The following PLPP1 variants were observed in gnomAD, a reference collection of about 807,000 sequenced individuals.
PLPP1 encodes the protein lipid phosphate phosphohydrolase 1a.
Under a neutral mutation model 31.2 loss-of-function variants are expected in PLPP1, and 24 were observed. The observed-to-expected ratio is 0.77, with a 90% CI of 0.56 to 1.08. PLPP1 has a LOEUF of 1.08. Ranked by LOEUF, PLPP1 falls within the 50% of genes least tolerant of loss-of-function variation. The probability of loss-of-function intolerance (pLI) is 0.00; values close to 1 mark genes in which losing one functional copy is unlikely to be tolerated. For missense variants in PLPP1, 319 were observed against 342.7 expected, an observed-to-expected ratio of 0.93 and a Z score of 0.55; for synonymous variants, 146 against 126.3, an observed-to-expected ratio of 1.16 and a Z score of -1.05.
At chr5:55,530,598 C>A (rs1740628122) in intron 1 of PLPP1, 2 of 1,399,684 alleles carry the variant, frequency 1.4e-6, no homozygotes, top group East Asian at 4.6e-5. Flanking sequence ...GCAATGAAGT[C>A]TCATGCGATA....
rs529491189 is a variant in PLPP1, at chr5:55,488,412, G to A, written c.59-12962C>T. Among the ~76,000 whole-genome samples, 158 of 152,016 alleles carry A rather than the reference G, an allele frequency of 1.0e-3. 1 individual carries two copies. The highest frequency in any genetic ancestry group is 2.0e-3 in the Non-Finnish European group (134 of 67,972). On this transcript the variant is annotated intron_variant, in intron 1 of 5. Coordinates refer to ENST00000307259, the MANE Select transcript of PLPP1 (RefSeq NM_003711.4). ...TGTAATCTCAGCACTTTGGGAGGCC[G>A]AGGCAGGTGGATCACCTGAGGTCAG...
At chr5:55,468,861 A>C (rs951885977) in intron 2 of PLPP1, among the ~76,000 whole-genome samples, 1 of 152,162 alleles carries the variant, frequency 6.6e-6, no homozygotes, top group Non-Finnish European at 1.5e-5. Context: ...ACTCCTGTGT[A>C]TAAGTACTTT....
intron 1 of PLPP1, among the ~76,000 whole-genome samples, chr5:55,495,225 T>C (rs184487356): frequency 1.3e-3 from 199 of 152,074 alleles, no homozygotes; most frequent in African/African-American, 4.6e-3. Flanking sequence ...TTGTTGGCAT[T>C]AGAATTTGCA....
chr5:55,426,462 G>GT lies in PLPP1; in HGVS notation c.550-424dup, dbSNP rs575753171. ...TTGCCCAGACTGGAGTGCAGTGGTGGTGTAGTCATACTCACTGCAGCCTCA... is the reference window on the plus strand; with the variant it reads ...TTGCCCAGACTGGAGTGCAGTGGTGGTTGTAGTCATACTCACTGCAGCCTCA... On this transcript the variant is annotated intron_variant, in intron 4 of 5. Coordinates refer to ENST00000307259, the MANE Select transcript of PLPP1 (RefSeq NM_003711.4). 3.3e-3 allele frequency among the ~76,000 whole-genome samples: 501 copies of GT among 152,160 alleles called. 1 individual carries two copies. The highest frequency in any genetic ancestry group is 0.012 in the African/African-American group (485 of 41,480).
At chr5:55,520,417 G>C (rs1199214428) in intron 1 of PLPP1, among the ~76,000 whole-genome samples, 1 of 152,228 alleles carries the variant, frequency 6.6e-6, no homozygotes, top group East Asian at 1.9e-4. Flanking sequence ...GACTGTGTCA[G>C]TGGTACCAAA....
At chr5:55,439,658 T>C (rs1751579063) in intron 4 of PLPP1, among the ~76,000 whole-genome samples, 1 of 152,202 alleles carries the variant, frequency 6.6e-6, no homozygotes, top group African/African-American at 2.4e-5. Flanking sequence ...ACTGAGGCCC[T>C]CTATTATATC....
Position 55,462,393 on chromosome 5 carries a change from G to GT in PLPP1, c.491+5475dup, listed in dbSNP as rs367591312. ...TGCCAACATAATTCAATGTGAAAATGTTTTTTTTCGGTCAATAAATAATGT... is the reference window on the plus strand; with the variant it reads ...TGCCAACATAATTCAATGTGAAAATGTTTTTTTTTCGGTCAATAAATAATGT... On this transcript the variant is annotated intron_variant, in intron 3 of 5. Coordinates refer to ENST00000307259, the MANE Select transcript of PLPP1 (RefSeq NM_003711.4). 2.5e-4 allele frequency among the ~76,000 whole-genome samples: 38 copies of GT among 151,936 alleles called. No individual in the cohort carries two copies. The East Asian group carries it at 6.6e-3, about 26-fold the overall frequency.
intron 1 of PLPP1, among the ~76,000 whole-genome samples, chr5:55,525,760 G>A (rs1221400694): frequency 6.6e-6 from 1 of 152,138 alleles, no homozygotes; most frequent in Non-Finnish European, 1.5e-5. Context: ...CAGTGGGGAG[G>A]AAGGAATGAC....
At chr5:55,480,489 ATC>A (rs1752647089) in intron 1 of PLPP1, among the ~76,000 whole-genome samples, 1 of 151,856 alleles carries the variant, frequency 6.6e-6, no homozygotes, top group African/African-American at 2.4e-5. Flanking sequence ...CTCATCTGCT[ATC>A]TGTCTCTACA....
At chr5:55,463,328 T>A (rs1752210195) in intron 3 of PLPP1, among the ~76,000 whole-genome samples, 1 of 152,102 alleles carries the variant, frequency 6.6e-6, no homozygotes, top group African/African-American at 2.4e-5. Context: ...GTTCTGCACA[T>A]GTATCCTAGA....
At chr5:55,514,152 G>A (rs1442136234) in intron 1 of PLPP1, among the ~76,000 whole-genome samples, 1 of 152,202 alleles carries the variant, frequency 6.6e-6, no homozygotes, top group Non-Finnish European at 1.5e-5. Flanking sequence ...GCCAAGGCAG[G>A]CAGATTGCTT....
intron 2 of PLPP1, 31 bp from the exon 3 acceptor site, chr5:55,468,180 A>C: frequency 6.6e-7 from 1 of 1,525,408 alleles, no homozygotes; most frequent in Non-Finnish European, 8.9e-7. Flanking sequence ...TAACATGTTA[A>C]AGTAGCAAGC....
At chr5:55,527,246 G>A (rs1740488170) in intron 1 of PLPP1, among the ~76,000 whole-genome samples, 1 of 152,116 alleles carries the variant, frequency 6.6e-6, no homozygotes, top group East Asian at 1.9e-4. Flanking sequence ...ATCCTTAAGG[G>A]GTAAAATGAT....
At chr5:55,457,762 G>A (rs1191044701) in intron 3 of PLPP1, among the ~76,000 whole-genome samples, 6 of 152,004 alleles carry the variant, frequency 3.9e-5, no homozygotes, top group South Asian at 2.1e-4. Flanking sequence ...GGTGGCGGGC[G>A]CCTGTAGTCC....
intron 5 of PLPP1, 121 bp downstream of exon 5, chr5:55,425,742 G>C: frequency 1.1e-6 from 1 of 910,812 alleles, no homozygotes; most frequent in Non-Finnish European, 1.6e-6. Flanking sequence ...TAATAACATT[G>C]AGATTCTTGC....
chr5:55,506,342 A>AGT (rs1753279189), intron 1 of PLPP1, among the ~76,000 whole-genome samples: 1 of 152,038 alleles, frequency 6.6e-6, no homozygotes, highest in Admixed American at 6.6e-5. Context: ...AACTCACCCA[A>AGT]GTGCACAGCA....
intron 1 of PLPP1, among the ~76,000 whole-genome samples, chr5:55,528,355 CAT>C (rs1217738999): frequency 3.3e-5 from 5 of 152,194 alleles, no homozygotes; most frequent in Admixed American, 2.6e-4. Flanking sequence ...TCAAAGGGAA[CAT>C]ATTCCAAACC....
At chr5:55,443,439 AG>A in intron 3 of PLPP1, among the ~76,000 whole-genome samples, 1 of 152,114 alleles carries the variant, frequency 6.6e-6, no homozygotes, top group East Asian at 1.9e-4. Flanking sequence ...CAATACGAAT[AG>A]TAATTTTAAA....
At chr5:55,440,675 T>C (rs1751602253) in intron 4 of PLPP1, among the ~76,000 whole-genome samples, 1 of 152,234 alleles carries the variant, frequency 6.6e-6, no homozygotes, top group Non-Finnish European at 1.5e-5. Context: ...GGTTCTGACT[T>C]TGAATTTTAT....
Sources: gnomAD v4.1 joint callset for allele counts (sites outside exome capture counted in the v4.1 genomes callset) on GRCh38, gnomAD v4.1.1 for gene constraint, MANE v1.5 for transcripts, NCBI Gene and HGNC (gene_info 2026-07-23, HGNC 2026-07-21) for gene names.